Variants in MAGI2 observed in about 807,000 individuals in gnomAD.
The protein encoded by MAGI2 is membrane-associated guanylate kinase, WW and PDZ domain-containing protein 2.
MAGI2 carries 35 observed loss-of-function variants against 133.3 expected under a neutral mutation model. That is an observed-to-expected ratio of 0.26 (90% CI 0.20 to 0.35). The LOEUF (loss-of-function observed/expected upper bound fraction) is 0.35. MAGI2 is among the 10% of genes least tolerant of loss of function. The pLI, the probability that MAGI2 is intolerant of heterozygous loss-of-function variation, is 1.00. For synonymous variants in MAGI2, 729 were observed against 710.6 expected (o/e 1.03, Z -0.41); for missense variants, 1,636 against 1,863.4 (o/e 0.88, Z 2.25).
intron 1 of MAGI2, among the ~76,000 whole-genome samples, chr7:79,152,428 T>A (rs1158180624): frequency 6.6e-6 from 1 of 152,204 alleles, no homozygotes; most frequent in Non-Finnish European, 1.5e-5. Context: ...CTTTAAAAAG[T>A]ACAAGCTTCA....
At chr7:79,379,588 A>G (rs1352537147) in intron 1 of MAGI2, among the ~76,000 whole-genome samples, 3 of 151,122 alleles carry the variant, frequency 2.0e-5, no homozygotes, top group Non-Finnish European at 3.0e-5. Context: ...ACAGTGTAAA[A>G]GTGTTCCTAT....
At chr7:78,200,584 T>C (rs1445194519) in intron 11 of MAGI2, among the ~76,000 whole-genome samples, 1 of 152,184 alleles carries the variant, frequency 6.6e-6, no homozygotes, top group African/African-American at 2.4e-5. Flanking sequence ...TGTGTGTGTA[T>C]ATGTATATAC....
chr7:78,465,841 G>A (rs1314473304), intron 6 of MAGI2, among the ~76,000 whole-genome samples: 1 of 152,056 alleles, frequency 6.6e-6, no homozygotes, highest in Non-Finnish European at 1.5e-5. Context: ...TCTTACTTTA[G>A]GTTCTCATCT....
At chr7:79,052,749 T>C (rs1366330927) in intron 1 of MAGI2, among the ~76,000 whole-genome samples, 1 of 152,200 alleles carries the variant, frequency 6.6e-6, no homozygotes, top group African/African-American at 2.4e-5. Flanking sequence ...ATTATAAGAC[T>C]GAAAATCAAC....
intron 1 of MAGI2, among the ~76,000 whole-genome samples, chr7:79,335,973 C>T (rs11978946): frequency 6.6e-6 from 1 of 152,068 alleles, no homozygotes; most frequent in Non-Finnish European, 1.5e-5. Flanking sequence ...CTGTTCACCA[C>T]TTTCTTTCAG....
intron 21 of MAGI2, among the ~76,000 whole-genome samples, chr7:78,040,647 G>C (rs367956207): frequency 6.6e-5 from 10 of 152,274 alleles, no homozygotes; most frequent in African/African-American, 2.4e-4. Flanking sequence ...AACCGCACCC[G>C]GGGCAGGTCA....
intron 20 of MAGI2, among the ~76,000 whole-genome samples, chr7:78,116,881 A>T (rs1819918292): frequency 1.3e-5 from 2 of 152,204 alleles, no homozygotes; most frequent in South Asian, 4.2e-4. Flanking sequence ...CTGTCTCAAA[A>T]ATGAAATAAG....
intron 2 of MAGI2, among the ~76,000 whole-genome samples, chr7:78,772,490 C>G (rs1019120152): frequency 8.5e-5 from 13 of 152,162 alleles, no homozygotes; most frequent in Admixed American, 2.6e-4. Flanking sequence ...TCACATTATC[C>G]TTGCCACAAA....
chr7:78,390,234 T>A (rs1251301350), intron 6 of MAGI2, among the ~76,000 whole-genome samples: 1 of 152,200 alleles, frequency 6.6e-6, no homozygotes, highest in African/African-American at 2.4e-5. Context: ...CCCAATATCA[T>A]GTTTTCAGGA....
intron 1 of MAGI2, among the ~76,000 whole-genome samples, chr7:79,420,656 G>A (rs1488677476): frequency 6.6e-6 from 1 of 151,924 alleles, no homozygotes; most frequent in Non-Finnish European, 1.5e-5. Flanking sequence ...CTAAAATAAA[G>A]TCTTCAACGG....
At chr7:78,840,403 A>G (rs1287510528) in intron 2 of MAGI2, among the ~76,000 whole-genome samples, 1 of 152,050 alleles carries the variant, frequency 6.6e-6, no homozygotes, top group Non-Finnish European at 1.5e-5. Context: ...TGCTTGTTAA[A>G]ACACAGATTC....
chr7:78,404,842 T>G (rs1797231214), intron 6 of MAGI2, among the ~76,000 whole-genome samples: 1 of 152,018 alleles, frequency 6.6e-6, no homozygotes, highest in Non-Finnish European at 1.5e-5. Context: ...ACTAAAGAGC[T>G]TCTGCACAGC....
intron 9 of MAGI2, among the ~76,000 whole-genome samples, chr7:78,328,532 C>CTCTCT (rs1554346588): frequency 2.2e-5 from 3 of 133,706 alleles, no homozygotes; most frequent in Non-Finnish European, 4.8e-5. Context: ...CACACACACC[C>CTCTCT]CTCTCTCTCT....
At chr7:78,138,666 C>T (rs1822428068) in intron 16 of MAGI2, among the ~76,000 whole-genome samples, 1 of 141,468 alleles carries the variant, frequency 7.1e-6, no homozygotes, top group African/African-American at 2.5e-5. Context: ...CACACACACA[C>T]ACACACACAC....
chr7:78,603,008 C>G (rs946336886), intron 3 of MAGI2, among the ~76,000 whole-genome samples: 1 of 152,126 alleles, frequency 6.6e-6, no homozygotes, highest in Non-Finnish European at 1.5e-5. Flanking sequence ...AGCTTTAGCT[C>G]CCTGACTTTA....
At chr7:79,271,164 C>T (rs1834843650) in intron 1 of MAGI2, among the ~76,000 whole-genome samples, 1 of 152,040 alleles carries the variant, frequency 6.6e-6, no homozygotes, top group African/African-American at 2.4e-5. Context: ...ATGAAGCTAG[C>T]CTTCATGGAT....
chr7:78,843,018 T>C lies in MAGI2; in HGVS notation c.418+164072A>G, dbSNP rs143049305. ...TGCCTATTTAAGTCATCTAAGTTAA[T>C]GAAATGATTGATGGTTTAAAATAGG... On this transcript the variant is annotated intron_variant, in intron 2 of 21. Coordinates refer to ENST00000354212, the MANE Select transcript of MAGI2 (RefSeq NM_012301.4). Among the ~76,000 whole-genome samples, 1,119 of 152,090 alleles carry C rather than the reference T, an allele frequency of 7.4e-3. 12 individuals are homozygous for C. The highest frequency in any genetic ancestry group is 9.2e-3 in the Non-Finnish European group (628 of 67,914).
intron 9 of MAGI2, among the ~76,000 whole-genome samples, chr7:78,292,061 T>C (rs1796768382): frequency 6.6e-6 from 1 of 152,116 alleles, no homozygotes; most frequent in African/African-American, 2.4e-5. Context: ...CTATTCAACA[T>C]AGTATTGGAA....
chr7:79,265,457 G>A (rs777537830), intron 1 of MAGI2, among the ~76,000 whole-genome samples: 15 of 152,204 alleles, frequency 9.9e-5, no homozygotes, highest in Non-Finnish European at 2.1e-4. Flanking sequence ...AATATGTGGT[G>A]TATTAAATTT....
Sources: allele counts gnomAD v4.1 joint callset (sites outside exome capture counted in the v4.1 genomes callset), GRCh38; gene constraint gnomAD v4.1.1; transcripts MANE v1.5; gene names NCBI Gene and HGNC (gene_info 2026-07-23, HGNC 2026-07-21).